ZGPAT: variants seen among roughly 807,000 people sequenced by gnomAD.
ZGPAT encodes zinc finger CCCH-type and G-patch domain containing, also known as zinc finger CCCH-type with G patch domain-containing protein.
In ZGPAT, 39 loss-of-function variants were observed where a neutral mutation model predicts 47.9. That is an observed-to-expected ratio of 0.81 (90% CI 0.63 to 1.06). ZGPAT has a LOEUF of 1.06. Ranked by LOEUF, ZGPAT falls within the 50% of genes least tolerant of loss-of-function variation. The pLI is 0.00. For missense variants in ZGPAT, 717 were observed against 681.4 expected, an observed-to-expected ratio of 1.05 and a Z score of -0.58; for synonymous variants, 348 against 292.9, an observed-to-expected ratio of 1.19 and a Z score of -1.92.
intron 2 of ZGPAT, among the ~76,000 whole-genome samples, chr20:63,727,466 G>A (rs2091856855): frequency 6.6e-6 from 1 of 151,534 alleles, no homozygotes; most frequent in African/African-American, 2.4e-5. Context: ...GGTTTTGAAC[G>A]TTTGACCTCA....
chr20:63,709,050 A>G lies in ZGPAT; in HGVS notation c.470A>G (p.Glu157Gly). Residue 157 changes from glutamate (E) to glycine (G), a missense_variant, in exon 2 of 7, where the codon GAG (glutamate) becomes GGG (glycine). By Grantham distance (98) the Glu-to-Gly change is moderately conservative. Coordinates refer to ENST00000355969, the MANE Select transcript of ZGPAT (RefSeq NM_181485.3). ...AACGCCATGGTGGTGGGAACGGAAG[A>G]GGCGGAGGATGGCTCGGCGGGTGTC... Reference protein sequence around the residue: ...YHNAMVVGTEEAEDGSAGVRV... With the variant: ...YHNAMVVGTEGAEDGSAGVRV... 6.2e-7 allele frequency: 1 copy of G among 1,613,642 alleles called. No individual in the cohort carries two copies. Among genetic ancestry groups the G allele is most frequent in the East Asian group, 2.2e-5 (1 of 44,878 alleles).
chr20:63,732,712 TTGTGTA>T (rs1301318789), intron 2 of ZGPAT, among the ~76,000 whole-genome samples: 1 of 150,192 alleles, frequency 6.7e-6, no homozygotes, highest in East Asian at 2.0e-4. Context: ...ACATGTGTAC[TTGTGTA>T]TGTGTATATG....
chr20:63,726,975 C>G (rs1295467632), intron 2 of ZGPAT, among the ~76,000 whole-genome samples: 1 of 152,104 alleles, frequency 6.6e-6, no homozygotes. Context: ...ACGTTTATTA[C>G]AATCCATAAA....
chr20:63,710,001 C>T (rs1274691575), intron 2 of ZGPAT, among the ~76,000 whole-genome samples: 1 of 152,026 alleles, frequency 6.6e-6, no homozygotes, highest in Non-Finnish European at 1.5e-5. Flanking sequence ...GCTGGGACTA[C>T]AGGCGCCCGC....
chr20:63,716,694 T>G (rs2091732178), intron 2 of ZGPAT, among the ~76,000 whole-genome samples: 1 of 151,950 alleles, frequency 6.6e-6, no homozygotes, highest in African/African-American at 2.4e-5. Flanking sequence ...TTTGTTTTTT[T>G]GTTTTTGAGA....
intron 2 of ZGPAT, among the ~76,000 whole-genome samples, chr20:63,732,881 C>T (rs555320107): frequency 3.5e-4 from 53 of 150,692 alleles, no homozygotes; most frequent in Non-Finnish European, 4.6e-4. Context: ...TGTGCGTATG[C>T]GTGTATGTGT....
chr20:63,730,411 T>G (rs949425668), intron 2 of ZGPAT: 1 of 152,244 alleles, frequency 6.6e-6, no homozygotes, highest in East Asian at 1.9e-4. Context: ...TCCACCTCAC[T>G]CTGCTCCACC....
intron 4 of ZGPAT, chr20:63,734,382 C>T: frequency 7.2e-6 from 3 of 416,484 alleles, no homozygotes; most frequent in South Asian, 8.4e-5. Context: ...GCAGGTGAGG[C>T]GCTCACAGCC....
intron 2 of ZGPAT, among the ~76,000 whole-genome samples, chr20:63,729,149 G>A (rs936132014): frequency 6.6e-6 from 1 of 150,458 alleles, no homozygotes; most frequent in African/African-American, 2.5e-5. Context: ...CTCCTGCCTC[G>A]GCCTCCCGAG....
rs540031395 is a variant in ZGPAT, at chr20:63,733,075, AGT to A, written c.585-138_585-137del. The A allele has an allele frequency of 1.2e-3, 1,193 of 1,009,130 alleles. 2 individuals carry two copies. Among genetic ancestry groups the A allele is most frequent in the Non-Finnish European group, 1.5e-3 (1,065 of 704,972 alleles). The allele number at this position is 1,009,130 out of a possible 1,614,324, so 62.5% of individuals were successfully genotyped here. On this transcript the variant is annotated intron_variant, in intron 2 of 6. Transcript: ENST00000355969. ...GTGTGCGTGTGTATGTGTGTGCGTG[AGT>A]GTGTGAGAGTGTGTATGTATACGCA...
chr20:63,708,659 G>A lies in ZGPAT; in HGVS notation c.79G>A (p.Gly27Ser), dbSNP rs2091606442. 1 of 1,612,600 alleles carries A rather than the reference G, an allele frequency of 6.2e-7. No homozygotes were observed. Among genetic ancestry groups the A allele is most frequent in the Non-Finnish European group, 8.5e-7 (1 of 1,179,814 alleles). The part of the protein sequence containing the change: ...LQQVELALGA[G>S]LDSSEQADLR... ...GCAGGTGGAGCTGGCCTTGGGCGCC[G>A]GCCTGGATTCGTCTGAGCAGGCTGA... The change falls in exon 2 of 7, where the codon GGC (glycine) becomes AGC (serine). Residue 27 changes from glycine to serine, a missense_variant. Transcript: ENST00000355969.
chr20:63,723,850 C>T lies in ZGPAT; in HGVS notation c.585-9369C>T, dbSNP rs142206200. Among the ~76,000 whole-genome samples the T allele has an allele frequency of 3.9e-5, 6 of 152,324 alleles. No individual in the cohort carries two copies. The East Asian group carries it at 7.7e-4, about 20-fold the overall frequency. On this transcript the variant is annotated intron_variant, in intron 2 of 6. Coordinates refer to ENST00000355969, the MANE Select transcript of ZGPAT (RefSeq NM_181485.3). ...CTTTTGGGGGCTGAGGTGGGCAGAT[C>T]GCCTGAGCCAGGGAGTTGGAGACCA... is the stretch of plus-strand genomic sequence containing the variant.
At position 63,731,402 on chromosome 20, in the gene ZGPAT, GGTGT is replaced by G. The variant is rs1214800839; in HGVS notation, c.585-1810_585-1807del. On this transcript the variant is annotated intron_variant, in intron 2 of 6. Coordinates refer to ENST00000355969, the MANE Select transcript of ZGPAT (RefSeq NM_181485.3). Reference sequence around the variant, plus strand: ...TGTGTAAAGTGTACAGTTGGCCCTTGGTGTGTGTGTATGTGTGCATGTGCATACG... The same window carrying G: ...TGTGTAAAGTGTACAGTTGGCCCTTGGTGTGTATGTGTGCATGTGCATACG... 2.7e-3 allele frequency among the ~76,000 whole-genome samples: 394 copies of G among 146,430 alleles called. 2 individuals carry two copies. Among genetic ancestry groups the G allele is most frequent in the African/African-American group, 6.8e-3 (264 of 38,928 alleles).
rs772146906 is a variant in ZGPAT, at chr20:63,709,129, C to T, written c.549C>T (p.Phe183=). ...THKSLKPCPF[F]LEGKCRFKEN... is the part of the protein sequence containing the mutation. ...AGTCTCTGAAGCCGTGCCCGTTCTT[C>T]CTGGAGGGAAAGTGCCGCTTTAAGG... Residue 183 remains phenylalanine, a synonymous_variant, in exon 2 of 7, where the codon TTC becomes TTT. Coordinates refer to ENST00000355969, the MANE Select transcript of ZGPAT (RefSeq NM_181485.3). 31 of 1,612,484 alleles carry T rather than the reference C, an allele frequency of 1.9e-5. No individual in the cohort carries two copies. Among genetic ancestry groups the T allele is most frequent in the African/African-American group, 1.3e-4 (10 of 74,934 alleles).
chr20:63,730,879 A>G (rs1339741098), intron 2 of ZGPAT, among the ~76,000 whole-genome samples: 3 of 149,414 alleles, frequency 2.0e-5, no homozygotes, highest in African/African-American at 7.4e-5. Context: ...TATTTGGCAA[A>G]GTTGAAGATT....
In ZGPAT at chr20:63,735,347, G is replaced by T. The variant is rs775243188; in HGVS notation, c.1180G>T (p.Val394Leu). 3 of 1,551,640 alleles carry T rather than the reference G, an allele frequency of 1.9e-6. No individual in the cohort carries two copies. The highest frequency in any genetic ancestry group is 1.2e-5 in the South Asian group (1 of 80,866). The change falls in exon 6 of 7, where the codon GTG (valine) becomes TTG (leucine). Residue 394 changes from valine to leucine, a missense_variant. By Grantham distance (32) the Val-to-Leu change is conservative. Transcript: ENST00000355969. Reference sequence around the variant, plus strand: ...TGGGGGCCGCCCAGCTCCTCGGAATGTGTTTGACTTCCTCAATGAAAAGCT... The same window carrying T: ...TGGGGGCCGCCCAGCTCCTCGGAATTTGTTTGACTTCCTCAATGAAAAGCT... Reference protein sequence around the residue: ...RPGGRPAPRNVFDFLNEKLQG... With the variant: ...RPGGRPAPRNLFDFLNEKLQG...
At chr20:63,734,630 G>A (rs533505680) in intron 4 of ZGPAT, 75 bp from the exon 5 acceptor site, 8 of 1,586,900 alleles carry the variant, frequency 5.0e-6, no homozygotes, top group Middle Eastern at 1.9e-4. Flanking sequence ...ACTGCCCTCT[G>A]TCCATCTCTT....
chr20:63,734,000 C>T (rs1568802240), intron 4 of ZGPAT: 1 of 494,956 alleles, frequency 2.0e-6, no homozygotes, highest in African/African-American at 2.0e-5. Context: ...GAGGAGGGGC[C>T]TGGAGTTGCC....
chr20:63,735,554 A>G lies in ZGPAT; in HGVS notation c.1387A>G (p.Asn463Asp), dbSNP rs1043789056. The G allele has an allele frequency of 6.6e-7, 1 of 1,514,562 alleles. No individual in the cohort carries two copies. Among genetic ancestry groups the G allele is most frequent in the Non-Finnish European group, 8.8e-7 (1 of 1,132,730 alleles). 93.8% of individuals were successfully genotyped at this position (1,514,562 alleles called of 1,614,324 possible). The change falls in exon 6 of 7, where the codon AAC (asparagine) becomes GAC (aspartate). Residue 463 changes from asparagine to aspartate, a missense_variant. Asn to Asp is a conservative substitution (Grantham distance 23). Coordinates refer to ENST00000355969, the MANE Select transcript of ZGPAT (RefSeq NM_181485.3). ...GAGCATCCAGGAGGCTCTCGCCCGC[A>G]ACGCTGGCCGGTACGTGTGGGGCCC... ...IRSIQEALAR[N>D]AGRHSVASAQ... is the part of the protein sequence containing the mutation.
Sources: allele counts gnomAD v4.1 joint callset (sites outside exome capture counted in the v4.1 genomes callset), GRCh38; gene constraint gnomAD v4.1.1; transcripts MANE v1.5; gene names NCBI Gene and HGNC (gene_info 2026-07-23, HGNC 2026-07-21).